Variants in FGF14 observed in about 807,000 individuals in gnomAD.
FGF14 encodes fibroblast growth factor homologous factor 4.
In FGF14, 5 loss-of-function variants were observed where a neutral mutation model predicts 25.5. That is an observed-to-expected ratio of 0.20 (90% CI 0.10 to 0.41). FGF14 has a LOEUF of 0.41. Ranked by LOEUF, FGF14 falls within the 10% of genes least tolerant of loss-of-function variation. FGF14 has a pLI of 1.00. For missense variants in FGF14, 222 were observed against 320.1 expected (o/e 0.69, Z 2.34); for synonymous variants, 138 against 118.3 (o/e 1.17, Z -1.08).
intron 1 of FGF14, among the ~76,000 whole-genome samples, chr13:101,968,673 C>CAA (rs11410391): frequency 0.037 from 2,955 of 78,972 alleles, 80 homozygotes; most frequent in Non-Finnish European, 0.057. Flanking sequence ...ACTCCGTCTC[C>CAA]AAAAAAAAAA....
At chr13:101,802,432 G>C (rs545079250) in intron 3 of FGF14, 1 of 208,420 alleles carries the variant, frequency 4.8e-6, no homozygotes, top group South Asian at 8.4e-5. Flanking sequence ...AAAGAGGAAG[G>C]GGAGGAGGAG....
intron 1 of FGF14, among the ~76,000 whole-genome samples, chr13:102,062,794 AATG>A (rs2042745255): frequency 6.6e-6 from 1 of 152,184 alleles, no homozygotes; most frequent in Non-Finnish European, 1.5e-5. Flanking sequence ...ATATACTCTC[AATG>A]ATAAGAAAAA....
At position 101,721,361 on chromosome 13, in the gene FGF14, A is replaced by G. The variant is rs1464898683; in HGVS notation, c.*1470T>C. ...AGCTCAAACAAACAGTGTTAAACTA[A>G]AAAGGAAATTAAGAATGCAAAATAA... On this transcript the variant is annotated 3_prime_UTR_variant, in exon 5 of 5. Coordinates refer to ENST00000376143, the MANE Select transcript of FGF14 (RefSeq NM_004115.4). 1 of 152,120 alleles carries G rather than the reference A, an allele frequency of 6.6e-6. No homozygotes were observed. The highest frequency in any genetic ancestry group is 1.5e-5 in the Non-Finnish European group (1 of 68,016). 9.4% of individuals were successfully genotyped at this position (152,120 alleles called of 1,614,324 possible).
At chr13:102,023,178 A>G (rs1031706866) in intron 1 of FGF14, among the ~76,000 whole-genome samples, 1 of 151,996 alleles carries the variant, frequency 6.6e-6, no homozygotes, top group East Asian at 1.9e-4. Flanking sequence ...TTTAACCCTA[A>G]TATCAGCTGT....
chr13:102,040,845 T>C (rs560029041), intron 1 of FGF14, among the ~76,000 whole-genome samples: 3 of 152,318 alleles, frequency 2.0e-5, no homozygotes, highest in African/African-American at 4.8e-5. Context: ...GATTAATTTA[T>C]GCTCTGACTC....
chr13:101,725,427 G>T (rs1218986495), intron 4 of FGF14, among the ~76,000 whole-genome samples: 1 of 151,700 alleles, frequency 6.6e-6, no homozygotes, highest in Non-Finnish European at 1.5e-5. Flanking sequence ...TAACTGTTTG[G>T]GTTTCAATAA....
intron 3 of FGF14, among the ~76,000 whole-genome samples, chr13:101,773,648 G>A (rs2038916128): frequency 6.6e-6 from 1 of 151,866 alleles, no homozygotes. Flanking sequence ...GTTATGGAAT[G>A]AAGAAGGTAC....
chr13:101,990,975 A>G (rs1175803649), intron 1 of FGF14, among the ~76,000 whole-genome samples: 2 of 152,142 alleles, frequency 1.3e-5, no homozygotes, highest in African/African-American at 4.8e-5. Context: ...GAAAAGAAAC[A>G]GTACTAATGT....
chr13:102,401,195 G>A (rs1384247893), intron 1 of FGF14, among the ~76,000 whole-genome samples: 16 of 150,550 alleles, frequency 1.1e-4, no homozygotes, highest in African/African-American at 3.9e-4. Flanking sequence ...ACCAAACATA[G>A]GCAACCAAAT....
chr13:101,769,321 A>G (rs527895954), intron 3 of FGF14, among the ~76,000 whole-genome samples: 23 of 151,526 alleles, frequency 1.5e-4, no homozygotes, highest in African/African-American at 5.3e-4. Flanking sequence ...AAAGTATTAG[A>G]CAACAGAAAC....
At chr13:101,831,516 T>C (rs2042670547) in intron 3 of FGF14, among the ~76,000 whole-genome samples, 3 of 152,130 alleles carry the variant, frequency 2.0e-5, no homozygotes, top group South Asian at 2.1e-4. Context: ...TCAAAAACAC[T>C]GCAACATACA....
At chr13:101,865,597 A>G (rs1403633711) in intron 3 of FGF14, among the ~76,000 whole-genome samples, 4 of 152,148 alleles carry the variant, frequency 2.6e-5, no homozygotes, top group Non-Finnish European at 4.4e-5. Flanking sequence ...ATGGGAACTT[A>G]CATCTCAGTC....
chr13:102,128,402 G>T (rs1046418529), intron 1 of FGF14, among the ~76,000 whole-genome samples: 2 of 152,312 alleles, frequency 1.3e-5, no homozygotes, highest in East Asian at 3.9e-4. Flanking sequence ...GCCAAGTAGA[G>T]GTAGGAGGTC....
intron 1 of FGF14, among the ~76,000 whole-genome samples, chr13:102,155,545 C>T (rs2047291258): frequency 6.6e-6 from 1 of 151,772 alleles, no homozygotes; most frequent in Admixed American, 6.6e-5. Context: ...CACTAAATGC[C>T]CACAAGAGAA....
At chr13:101,912,782 T>C (rs2033080266) in intron 1 of FGF14, among the ~76,000 whole-genome samples, 1 of 152,192 alleles carries the variant, frequency 6.6e-6, no homozygotes, top group African/African-American at 2.4e-5. Flanking sequence ...AGTATTTTTA[T>C]GTCTAAAATT....
intron 3 of FGF14, among the ~76,000 whole-genome samples, chr13:101,789,938 A>AT (rs1304605819): frequency 4.6e-5 from 7 of 151,006 alleles, no homozygotes; most frequent in African/African-American, 1.7e-4. Flanking sequence ...CATTATTCTT[A>AT]TTTTTTTCTT....
At chr13:102,392,439 C>T (rs2058454899) in intron 1 of FGF14, among the ~76,000 whole-genome samples, 1 of 151,954 alleles carries the variant, frequency 6.6e-6, no homozygotes, top group African/African-American at 2.4e-5. Context: ...GCATTTTTTC[C>T]CAGTCCTAAG....
intron 1 of FGF14, among the ~76,000 whole-genome samples, chr13:102,164,607 C>A (rs2047919231): frequency 6.6e-6 from 1 of 152,016 alleles, no homozygotes; most frequent in Admixed American, 6.6e-5. Context: ...GAGACAAAGG[C>A]AAGAAAGGAG....
At position 102,256,334 on chromosome 13, in the gene FGF14, A is replaced by C. The variant is rs140244158; in HGVS notation, c.208+145137T>G. The stretch of plus-strand genomic sequence containing the variant: ...ACAGGTAGACCCCATCTCTACAAAA[A>C]AAAATTAAAAAAAAATTAGCCAAGC... On this transcript the variant is annotated intron_variant, in intron 1 of 4. Transcript: ENST00000376131. 9.3e-3 allele frequency among the ~76,000 whole-genome samples: 1,421 copies of C among 152,096 alleles called. 21 individuals are homozygous for C. Among genetic ancestry groups the C allele is most frequent in the Non-Finnish European group, 0.011 (738 of 68,004 alleles).
Sources: allele counts gnomAD v4.1 joint callset (sites outside exome capture counted in the v4.1 genomes callset), GRCh38; gene constraint gnomAD v4.1.1; transcripts MANE v1.5; gene names NCBI Gene and HGNC (gene_info 2026-07-23, HGNC 2026-07-21).